PLB1: variants seen among roughly 807,000 people sequenced by gnomAD.
PLB1 encodes the protein phospholipase B1, membrane-associated.
PLB1 carries 242 observed loss-of-function variants against 227.4 expected under a neutral mutation model. That is an observed-to-expected ratio of 1.06 (90% CI 0.96 to 1.18). The LOEUF (loss-of-function observed/expected upper bound fraction) is 1.18. Among genes scored for constraint, PLB1 ranks in the 50% most tolerant of loss-of-function variants. The pLI, the probability that PLB1 is intolerant of heterozygous loss-of-function variation, is 0.00. For synonymous variants in PLB1, 757 were observed against 682.2 expected (o/e 1.11, Z -1.71); for missense variants, 1,858 against 1,816.3 (o/e 1.02, Z -0.42).
chr2:28,531,289 GTTGTTTT>G (rs945977430), intron 8 of PLB1, among the ~76,000 whole-genome samples: 13 of 151,960 alleles, frequency 8.6e-5, no homozygotes, highest in Admixed American at 3.9e-4. Flanking sequence ...GGATAAAGAT[GTTGTTTT>G]TTGTTTTTTG....
intron 21 of PLB1, among the ~76,000 whole-genome samples, chr2:28,574,417 C>G (rs1203619571): frequency 3.2e-5 from 4 of 125,838 alleles, no homozygotes; most frequent in African/African-American, 9.4e-5. Flanking sequence ...GGGTCTTGCT[C>G]TGTTGCCCAG....
At chr2:28,579,268 C>T (rs1395927746) in intron 22 of PLB1, among the ~76,000 whole-genome samples, 1 of 152,186 alleles carries the variant, frequency 6.6e-6, no homozygotes, top group Non-Finnish European at 1.5e-5. Context: ...AACAAACATT[C>T]CTTTCCCATG....
intron 29 of PLB1, among the ~76,000 whole-genome samples, chr2:28,590,299 C>G (rs1202055533): frequency 6.6e-6 from 1 of 152,128 alleles, no homozygotes; most frequent in Non-Finnish European, 1.5e-5. Context: ...GCTGGGAGCC[C>G]TCACACATGT....
intron 56 of PLB1, 94 bp from the exon 57 acceptor site, chr2:28,640,833 C>A: frequency 7.6e-7 from 1 of 1,308,558 alleles, no homozygotes; most frequent in Non-Finnish European, 1.1e-6. Flanking sequence ...CCACCCCGTT[C>A]CCGAGGGAGG....
intron 17 of PLB1, among the ~76,000 whole-genome samples, chr2:28,553,290 T>A (rs1361638390): frequency 6.6e-6 from 1 of 152,198 alleles, no homozygotes; most frequent in Non-Finnish European, 1.5e-5. Flanking sequence ...ATGGGTGGAT[T>A]TGTTCTCCAA....
At chr2:28,528,784 T>C (rs1309917099) in intron 6 of PLB1, among the ~76,000 whole-genome samples, 2 of 152,154 alleles carry the variant, frequency 1.3e-5, no homozygotes, top group African/African-American at 2.4e-5. Context: ...TGTTCATTTT[T>C]AGCTCCTTCA....
intron 56 of PLB1, among the ~76,000 whole-genome samples, chr2:28,635,093 G>A (rs1689139111): frequency 6.6e-6 from 1 of 152,110 alleles, no homozygotes; most frequent in African/African-American, 2.4e-5. Context: ...AAACAAGACT[G>A]TCCATGGTTC....
intron 19 of PLB1, 130 bp downstream of exon 19, chr2:28,565,483 T>A: frequency 1.3e-6 from 1 of 749,744 alleles, no homozygotes; most frequent in Non-Finnish European, 2.1e-6. Flanking sequence ...GACCAACTTC[T>A]AGGTTTAATT....
intron 3 of PLB1, among the ~76,000 whole-genome samples, chr2:28,519,087 C>G (rs1169804734): frequency 6.6e-6 from 1 of 152,166 alleles, no homozygotes; most frequent in Non-Finnish European, 1.5e-5. Context: ...GAAATGTCTT[C>G]TTTAGGTGGC....
At chr2:28,561,305 G>A (rs116793152) in intron 17 of PLB1, among the ~76,000 whole-genome samples, 2,139 of 84,556 alleles carry the variant, frequency 0.025, 19 homozygotes, top group Non-Finnish European at 0.038. Flanking sequence ...CACATCACAC[G>A]GAATGCTCAA....
At chr2:28,496,848 TA>T (rs2148148647) in intron 1 of PLB1, among the ~76,000 whole-genome samples, 1 of 152,300 alleles carries the variant, frequency 6.6e-6, no homozygotes, top group South Asian at 2.1e-4. Flanking sequence ...AAAAGGGCCT[TA>T]AAGATCTTTC....
intron 51 of PLB1, 60 bp from the exon 52 acceptor site, chr2:28,628,503 C>G: frequency 6.0e-6 from 9 of 1,504,710 alleles, no homozygotes; most frequent in African/African-American, 1.4e-5. Context: ...CTCCTATGCT[C>G]TTGCCATTCT....
chr2:28,523,536 A>G (rs2148184179), intron 4 of PLB1, among the ~76,000 whole-genome samples: 1 of 152,150 alleles, frequency 6.6e-6, no homozygotes, highest in East Asian at 1.9e-4. Flanking sequence ...GGGAGTGGGC[A>G]CGATGGGGAC....
At chr2:28,612,947 TCTCA>T (rs535780185) in intron 43 of PLB1, among the ~76,000 whole-genome samples, 12 of 150,044 alleles carry the variant, frequency 8.0e-5, no homozygotes, top group African/African-American at 2.7e-4. Flanking sequence ...TGAAACAGAG[TCTCA>T]CTCTGTTGCC....
chr2:28,570,520 T>TCA (rs1255130847), intron 20 of PLB1, among the ~76,000 whole-genome samples: 1 of 92,940 alleles, frequency 1.1e-5, no homozygotes, highest in Non-Finnish European at 3.5e-5. Context: ...GCGCAGTGGC[T>TCA]CACGCCTGTA....
intron 19 of PLB1, 58 bp from the exon 20 acceptor site, chr2:28,566,738 G>A: frequency 6.3e-7 from 1 of 1,589,822 alleles, no homozygotes; most frequent in Non-Finnish European, 8.6e-7. Flanking sequence ...GTGTCTGAAG[G>A]GTCTCGGCGT....
At chr2:28,577,195 G>A (rs768502512) in intron 21 of PLB1, among the ~76,000 whole-genome samples, 4 of 152,216 alleles carry the variant, frequency 2.6e-5, no homozygotes, top group East Asian at 1.9e-4. Context: ...CTGGTCATTT[G>A]TGGAACCAGG....
At chr2:28,569,965 C>CAA (rs200866382) in intron 20 of PLB1, among the ~76,000 whole-genome samples, 11 of 62,840 alleles carry the variant, frequency 1.8e-4, no homozygotes, top group African/African-American at 2.3e-4. Flanking sequence ...GACTCCATCT[C>CAA]AAAAAAAAAA....
intron 18 of PLB1, among the ~76,000 whole-genome samples, chr2:28,564,341 C>T (rs914965458): frequency 1.3e-5 from 2 of 152,182 alleles, no homozygotes; most frequent in Non-Finnish European, 1.5e-5. Flanking sequence ...GGGATCCTGA[C>T]CCTAAGTCCA....
Sources: allele counts gnomAD v4.1 joint callset (sites outside exome capture counted in the v4.1 genomes callset), GRCh38; gene constraint gnomAD v4.1.1; transcripts MANE v1.5; gene names NCBI Gene and HGNC (gene_info 2026-07-23, HGNC 2026-07-21).